CNTNAP2: variants seen among roughly 807,000 people sequenced by gnomAD.
The protein encoded by CNTNAP2 is contactin-associated protein-like 2.
CNTNAP2 carries 98 observed loss-of-function variants against 155.2 expected under a neutral mutation model. The ratio of observed to expected loss-of-function variants is 0.63; its 90% confidence interval spans 0.54 to 0.75. CNTNAP2 has a LOEUF of 0.75. Among genes scored for constraint, CNTNAP2 ranks in the 30% least tolerant of loss-of-function variants. The probability of loss-of-function intolerance (pLI) is 0.00; values close to 1 mark genes in which losing one functional copy is unlikely to be tolerated. For synonymous variants in CNTNAP2, 651 were observed against 631.2 expected (o/e 1.03, Z -0.47); for missense variants, 1,727 against 1,688.1 (o/e 1.02, Z -0.40).
rs180935133 is a variant in CNTNAP2 at position 148,115,968 on chromosome 7, G to A, written c.2384-2150G>A. On this transcript the variant is annotated intron_variant, in intron 15 of 23. Transcript: ENST00000361727. ...AGCCTGACCAATATGGTGAAACCCCGTCTCTACTAAAAATACAAAAATTAG... is the reference window on the plus strand; with the variant it reads ...AGCCTGACCAATATGGTGAAACCCCATCTCTACTAAAAATACAAAAATTAG... Among the ~76,000 whole-genome samples the A allele has an allele frequency of 1.1e-3, 161 of 151,876 alleles. 1 individual carries two copies. The highest frequency in any genetic ancestry group is 3.7e-3 in the African/African-American group (153 of 41,438).
At chr7:148,336,243 G>T (rs965975438) in intron 21 of CNTNAP2, among the ~76,000 whole-genome samples, 3 of 152,086 alleles carry the variant, frequency 2.0e-5, no homozygotes, top group Admixed American at 2.0e-4. Context: ...TTTTATGCAA[G>T]ATAGCACCTT....
chr7:147,899,518 C>A (rs1207536107), intron 13 of CNTNAP2, among the ~76,000 whole-genome samples: 1 of 152,122 alleles, frequency 6.6e-6, no homozygotes, highest in African/African-American at 2.4e-5. Flanking sequence ...ACATTGGACA[C>A]TTTAAAAGTT....
intron 1 of CNTNAP2, among the ~76,000 whole-genome samples, chr7:146,142,064 C>T (rs187484709): frequency 4.6e-5 from 7 of 152,218 alleles, no homozygotes; most frequent in African/African-American, 1.4e-4. Context: ...TTGTTATTAA[C>T]CCACATCTCA....
chr7:148,163,293 T>C (rs1805586049), intron 17 of CNTNAP2, among the ~76,000 whole-genome samples: 1 of 152,154 alleles, frequency 6.6e-6, no homozygotes, highest in African/African-American at 2.4e-5. Flanking sequence ...GTCTGTAAAA[T>C]GGAGATAATA....
intron 1 of CNTNAP2, among the ~76,000 whole-genome samples, chr7:146,268,255 T>C (rs1223309894): frequency 6.6e-6 from 1 of 152,168 alleles, no homozygotes; most frequent in Non-Finnish European, 1.5e-5. Context: ...GTGGTGTTTA[T>C]CGTAGTTACC....
chr7:147,126,469 T>C (rs886923868), intron 6 of CNTNAP2, among the ~76,000 whole-genome samples: 1 of 152,162 alleles, frequency 6.6e-6, no homozygotes, highest in African/African-American at 2.4e-5. Context: ...ATGAGAATTT[T>C]ATTTTATTAT....
intron 1 of CNTNAP2, among the ~76,000 whole-genome samples, chr7:146,482,875 C>T (rs1052098905): frequency 2.0e-5 from 3 of 152,054 alleles, no homozygotes; most frequent in African/African-American, 7.2e-5. Flanking sequence ...AAAAAACCTT[C>T]CAACAGTGAC....
At chr7:147,044,676 A>G (rs1584801693) in intron 4 of CNTNAP2, among the ~76,000 whole-genome samples, 1 of 152,160 alleles carries the variant, frequency 6.6e-6, no homozygotes, top group African/African-American at 2.4e-5. Flanking sequence ...AAGGATTCCA[A>G]CATATGAATT....
intron 1 of CNTNAP2, among the ~76,000 whole-genome samples, chr7:146,763,594 C>T (rs1385563184): frequency 6.6e-6 from 1 of 152,082 alleles, no homozygotes; most frequent in East Asian, 1.9e-4. Flanking sequence ...TACTATTTTT[C>T]AAATGTTATA....
chr7:147,598,578 T>C (rs1584843203), intron 12 of CNTNAP2, among the ~76,000 whole-genome samples: 1 of 152,322 alleles, frequency 6.6e-6, no homozygotes, highest in East Asian at 1.9e-4. Flanking sequence ...AGCATCCTCA[T>C]TTGTAAGCCT....
chr7:147,839,046 C>T (rs537179818), intron 13 of CNTNAP2, among the ~76,000 whole-genome samples: 1 of 152,264 alleles, frequency 6.6e-6, no homozygotes, highest in South Asian at 2.1e-4. Context: ...AGTCCCAAAG[C>T]TAAAGAACTT....
chr7:148,152,304 T>C (rs900922430), intron 17 of CNTNAP2, among the ~76,000 whole-genome samples: 1 of 151,830 alleles, frequency 6.6e-6, no homozygotes, highest in African/African-American at 2.4e-5. Context: ...GGCTAGGGAA[T>C]GGGTGTTGCT....
chr7:146,264,593 G>T (rs1036248692), intron 1 of CNTNAP2, among the ~76,000 whole-genome samples: 2 of 152,120 alleles, frequency 1.3e-5, no homozygotes, highest in Non-Finnish European at 2.9e-5. Flanking sequence ...CAATCCAAAC[G>T]TTGACAATGA....
chr7:146,504,094 C>T (rs1221214989), intron 1 of CNTNAP2, among the ~76,000 whole-genome samples: 1 of 152,340 alleles, frequency 6.6e-6, no homozygotes, highest in Non-Finnish European at 1.5e-5. Flanking sequence ...CTGTGTCATG[C>T]TGTACCAGAT....
intron 1 of CNTNAP2, among the ~76,000 whole-genome samples, chr7:146,527,141 C>T (rs1424837673): frequency 2.0e-5 from 3 of 151,960 alleles, no homozygotes. Context: ...AATGATTTGC[C>T]TTTATTTTAC....
intron 1 of CNTNAP2, among the ~76,000 whole-genome samples, chr7:146,344,890 G>A (rs1237837209): frequency 1.3e-5 from 2 of 152,130 alleles, no homozygotes; most frequent in Non-Finnish European, 2.9e-5. Context: ...AAAAATTCTG[G>A]TAAAATTAAT....
chr7:147,469,555 G>T (rs1798179389), intron 10 of CNTNAP2, among the ~76,000 whole-genome samples: 1 of 98,270 alleles, frequency 1.0e-5, no homozygotes, highest in African/African-American at 3.6e-5. Context: ...GTCTCGCTCT[G>T]CCGCCCAGGC....
At chr7:147,253,194 G>C (rs147585249) in intron 8 of CNTNAP2, among the ~76,000 whole-genome samples, 4 of 151,886 alleles carry the variant, frequency 2.6e-5, no homozygotes, top group Non-Finnish European at 4.4e-5. Flanking sequence ...TACGGTCCTC[G>C]GTCTCTGGAT....
chr7:147,582,750 A>C (rs1260736025), intron 12 of CNTNAP2, among the ~76,000 whole-genome samples: 1 of 152,038 alleles, frequency 6.6e-6, no homozygotes, highest in Non-Finnish European at 1.5e-5. Context: ...TCCTCGTATG[A>C]GTTAATCTGG....
Sources: allele counts gnomAD v4.1 joint callset (sites outside exome capture counted in the v4.1 genomes callset), GRCh38; gene constraint gnomAD v4.1.1; transcripts MANE v1.5; gene names NCBI Gene and HGNC (gene_info 2026-07-23, HGNC 2026-07-21).